Variants in KCNMA1 observed in about 807,000 individuals in gnomAD.
The protein encoded by KCNMA1 is potassium calcium-activated channel subfamily M alpha 1, also known as Calcium-activated potassium channel subunit alpha-1.
A neutral mutation model predicts 140.0 loss-of-function variants in KCNMA1; 29 were observed. The observed-to-expected ratio is 0.21, with a 90% CI of 0.15 to 0.28. KCNMA1 has a LOEUF of 0.28. Ranked by LOEUF, KCNMA1 falls within the 10% of genes least tolerant of loss-of-function variation. The pLI is 1.00. For synonymous variants in KCNMA1, 612 were observed against 611.9 expected (o/e 1.00, Z 0.00); for missense variants, 880 against 1,602.2 (o/e 0.55, Z 7.70).
At chr10:77,554,176 C>A (rs778813170) in intron 1 of KCNMA1, among the ~76,000 whole-genome samples, 1 of 152,158 alleles carries the variant, frequency 6.6e-6, no homozygotes, top group Non-Finnish European at 1.5e-5. Context: ...TCTGCTGTGT[C>A]TTTCGCCTGC....
chr10:77,145,809 A>G (rs762015733), intron 5 of KCNMA1, among the ~76,000 whole-genome samples: 17 of 152,208 alleles, frequency 1.1e-4, no homozygotes, highest in Non-Finnish European at 1.9e-4. Flanking sequence ...AAGAGACGGA[A>G]TCTGGGCCCA....
At chr10:76,997,009 T>G (rs1266720134) in intron 19 of KCNMA1, among the ~76,000 whole-genome samples, 1 of 152,128 alleles carries the variant, frequency 6.6e-6, no homozygotes, top group East Asian at 1.9e-4. Flanking sequence ...CTAGAGCTGT[T>G]TCCACCCCCT....
At chr10:77,006,010 T>C (rs1349707247) in intron 18 of KCNMA1, among the ~76,000 whole-genome samples, 1 of 152,208 alleles carries the variant, frequency 6.6e-6, no homozygotes, top group African/African-American at 2.4e-5. Flanking sequence ...AAATGGATAA[T>C]CAGCTGTCAA....
chr10:77,086,458 T>C, intron 11 of KCNMA1, 30 bp downstream of exon 11: 2 of 1,518,730 alleles, frequency 1.3e-6, no homozygotes, highest in South Asian at 1.1e-5. Context: ...CAAGATGGAA[T>C]AAAAGCAGAA....
chr10:77,170,932 G>A (rs891198549), intron 5 of KCNMA1, among the ~76,000 whole-genome samples: 4 of 152,158 alleles, frequency 2.6e-5, no homozygotes, highest in Non-Finnish European at 5.9e-5. Flanking sequence ...ATCTCAAGAT[G>A]TAAATGACTC....
intron 1 of KCNMA1, among the ~76,000 whole-genome samples, chr10:77,513,177 G>A (rs914189982): frequency 4.1e-5 from 6 of 146,974 alleles, no homozygotes; most frequent in African/African-American, 7.7e-5. Flanking sequence ...TCAGAGTGGC[G>A]TTTTTGCTGT....
chr10:77,012,659 T>C, intron 17 of KCNMA1: 1 of 913,154 alleles, frequency 1.1e-6, no homozygotes, highest in Non-Finnish European at 1.7e-6. Context: ...ACTGGACCAA[T>C]TCCCATGCTA....
chr10:77,527,450 G>A (rs1385416649), intron 1 of KCNMA1, among the ~76,000 whole-genome samples: 2 of 152,194 alleles, frequency 1.3e-5, no homozygotes, highest in Non-Finnish European at 2.9e-5. Context: ...AGTCACAGGG[G>A]GAGAGGGGAA....
chr10:77,533,808 G>A (rs924222545), intron 1 of KCNMA1, among the ~76,000 whole-genome samples: 4 of 152,202 alleles, frequency 2.6e-5, no homozygotes, highest in African/African-American at 7.2e-5. Flanking sequence ...GATGAACTGT[G>A]GGGAGGCTAT....
At chr10:77,173,530 T>C (rs2098726934) in intron 5 of KCNMA1, among the ~76,000 whole-genome samples, 1 of 152,214 alleles carries the variant, frequency 6.6e-6, no homozygotes. Context: ...ATATATGTAA[T>C]ATGTGTAATA....
intron 19 of KCNMA1, among the ~76,000 whole-genome samples, chr10:76,977,243 A>G (rs2077901102): frequency 6.6e-6 from 1 of 152,078 alleles, no homozygotes; most frequent in Admixed American, 6.6e-5. Context: ...CTTCTTTCTC[A>G]TCTTTCTCAA....
At chr10:77,121,186 G>T in intron 5 of KCNMA1, 138 bp from the exon 6 acceptor site, 1 of 684,712 alleles carries the variant, frequency 1.5e-6, no homozygotes. Flanking sequence ...TGGTACCTCA[G>T]ACATATTCCT....
intron 23 of KCNMA1, among the ~76,000 whole-genome samples, chr10:76,941,102 G>GAGAAA (rs879886205): frequency 1.5e-5 from 1 of 66,058 alleles, no homozygotes; most frequent in Non-Finnish European, 2.9e-5. Flanking sequence ...AAAGAAAGAA[G>GAGAAA]GGAGGGAGGG....
Position 77,588,082 on chromosome 10 carries a change from G to C in KCNMA1, c.378+49183C>G, listed in dbSNP as rs188917699. Among the ~76,000 whole-genome samples the C allele has an allele frequency of 3.9e-5, 6 of 152,328 alleles. No individual in the cohort carries two copies. The East Asian group carries it at 1.2e-3, about 29-fold the overall frequency. On this transcript the variant is annotated intron_variant, in intron 1 of 27. Coordinates refer to ENST00000286628, the MANE Select transcript of KCNMA1 (RefSeq NM_001161352.2). ...ACATCTTTGGAGATTCTAATTCCAT[G>C]GGAATGAAGCCTGGGTCCCTGTATT... is the stretch of plus-strand genomic sequence containing the variant.
At chr10:77,157,891 C>G (rs2098506548) in intron 5 of KCNMA1, among the ~76,000 whole-genome samples, 1 of 152,166 alleles carries the variant, frequency 6.6e-6, no homozygotes, top group Non-Finnish European at 1.5e-5. Flanking sequence ...CCACCAACAC[C>G]CTGACAAGGT....
intron 9 of KCNMA1, among the ~76,000 whole-genome samples, chr10:77,107,756 A>G (rs1030784395): frequency 3.3e-5 from 5 of 152,198 alleles, no homozygotes; most frequent in African/African-American, 1.2e-4. Flanking sequence ...GCCCGGAAGG[A>G]ATTTCAGCTG....
chr10:77,575,870 A>G (rs563863129), intron 1 of KCNMA1, among the ~76,000 whole-genome samples: 150 of 152,338 alleles, frequency 9.8e-4, no homozygotes, highest in African/African-American at 3.5e-3. Context: ...CCCCACCCCC[A>G]GAGGGGAGTC....
In KCNMA1 at chr10:77,133,618, C is replaced by CA. The variant is rs146595446; in HGVS notation, c.809-12571dup. Among the ~76,000 whole-genome samples the CA allele has an allele frequency of 4.1e-3, 612 of 149,674 alleles. 6 individuals carry two copies. The highest frequency in any genetic ancestry group is 0.014 in the African/African-American group (589 of 41,006). On this transcript the variant is annotated intron_variant, in intron 5 of 27. Transcript: ENST00000286628. ...GAAACAATCCACAAAGAATGTGTAA[C>CA]AAAAAAAAACTTTATACACCTAAAA... is the stretch of plus-strand genomic sequence containing the variant.
At position 77,012,038 on chromosome 10, in the gene KCNMA1, A is replaced by T. The variant is rs755126695; in HGVS notation, c.2021T>A (p.Phe674Tyr). 3.1e-6 allele frequency: 5 copies of T among 1,613,730 alleles called. No homozygotes were observed. Among genetic ancestry groups the T allele is most frequent in the East Asian group, 2.2e-5 (1 of 44,834 alleles). ...ASDAKEVKRA[F>Y]FYCKACHDDI... ...ATCATGACAGGCCTTGCAGTAAAAAAATGCCCTGGAGAAAGAGAATGGAAA... is the reference window on the plus strand; with the variant it reads ...ATCATGACAGGCCTTGCAGTAAAAATATGCCCTGGAGAAAGAGAATGGAAA... The change falls in exon 18 of 28, where the codon TTT (phenylalanine) becomes TAT (tyrosine). Residue 674 changes from phenylalanine (F) to tyrosine (Y), a missense_variant. This residue lies in a region of KCNMA1 where 196 missense variants were observed against 233.0 expected (regional missense o/e 0.84). Transcript: ENST00000286628.
Sources: gnomAD v4.1 joint callset for allele counts (sites outside exome capture counted in the v4.1 genomes callset) on GRCh38, gnomAD v4.1.1 for gene constraint, gnomAD v4.1.1 regional missense constraint, MANE v1.5 for transcripts, NCBI Gene and HGNC (gene_info 2026-07-23, HGNC 2026-07-21) for gene names.